The following UNC13C variants were observed in gnomAD, a reference collection of about 807,000 sequenced individuals.
The protein encoded by UNC13C is protein unc-13 homolog C.
UNC13C carries 174 observed loss-of-function variants against 245.4 expected under a neutral mutation model. That is an observed-to-expected ratio of 0.71 (90% CI 0.63 to 0.80). The LOEUF is 0.80. Ranked by LOEUF, UNC13C falls within the 30% of genes least tolerant of loss-of-function variation. UNC13C has a pLI of 0.00. For synonymous variants in UNC13C, 992 were observed against 895.1 expected, an observed-to-expected ratio of 1.11 and a Z score of -1.93; for missense variants, 2,829 against 2,602.9, an observed-to-expected ratio of 1.09 and a Z score of -1.89.
At chr15:54,062,052 G>A (rs967225538) in intron 2 of UNC13C, among the ~76,000 whole-genome samples, 6 of 152,004 alleles carry the variant, frequency 3.9e-5, no homozygotes, top group Non-Finnish European at 7.4e-5. Flanking sequence ...GGGCGTGGTG[G>A]CTCACACCTG....
chr15:54,339,852 T>C (rs1196653608), intron 17 of UNC13C, among the ~76,000 whole-genome samples: 1 of 151,444 alleles, frequency 6.6e-6, no homozygotes, highest in African/African-American at 2.4e-5. Context: ...CTTAGTTCTC[T>C]AAGAGATCTC....
the UNC13C span, among the ~76,000 whole-genome samples, chr15:53,877,986 A>G: frequency 3.4e-4 from 52 of 152,268 alleles, no homozygotes; most frequent in Middle Eastern, 3.4e-3. Context: ...TTCAATATAC[A>G]TTTTTTAGAT....
chr15:54,133,500 C>A (rs2141219068), intron 2 of UNC13C, among the ~76,000 whole-genome samples: 1 of 152,036 alleles, frequency 6.6e-6, no homozygotes, highest in South Asian at 2.1e-4. Context: ...TACTTTAATC[C>A]CATTTATAGG....
In UNC13C at chr15:54,612,843, G is replaced by T. The variant is rs1900193898; in HGVS notation, c.6107-9484G>T. Among the ~76,000 whole-genome samples, 4 of 152,032 alleles carry T rather than the reference G, an allele frequency of 2.6e-5. No homozygotes were observed. In the South Asian group the frequency reaches 8.3e-4, roughly 32 times the overall value. ...CTTTGAGATATTTATTAGGGTAATAGTTGAAACCAATCTTTTCTTGTTACT... is the reference window on the plus strand; with the variant it reads ...CTTTGAGATATTTATTAGGGTAATATTTGAAACCAATCTTTTCTTGTTACT... On this transcript the variant is annotated intron_variant, in intron 30 of 32. Coordinates refer to ENST00000260323, the MANE Select transcript of UNC13C (RefSeq NM_001080534.3).
chr15:54,140,405 A>C (rs997114170), intron 2 of UNC13C, among the ~76,000 whole-genome samples: 4 of 152,358 alleles, frequency 2.6e-5, no homozygotes, highest in African/African-American at 2.4e-5. Flanking sequence ...AGTAAAAAAA[A>C]CAGAGAGAGA....
chr15:54,246,832 C>T (rs2036005636), intron 7 of UNC13C, among the ~76,000 whole-genome samples: 1 of 152,204 alleles, frequency 6.6e-6, no homozygotes, highest in Middle Eastern at 3.4e-3. Flanking sequence ...GTGGGATGAT[C>T]TGTGCAACAA....
At chr15:54,610,805 A>G (rs953938284) in intron 30 of UNC13C, among the ~76,000 whole-genome samples, 1 of 152,220 alleles carries the variant, frequency 6.6e-6, no homozygotes, top group Non-Finnish European at 1.5e-5. Flanking sequence ...AGTATGGCCC[A>G]GAGACCATCA....
chr15:54,217,707 T>C (rs1252881056), intron 4 of UNC13C, among the ~76,000 whole-genome samples: 1 of 151,952 alleles, frequency 6.6e-6, no homozygotes, highest in Non-Finnish European at 1.5e-5. Flanking sequence ...GGCAAGTAAT[T>C]TTTTTCATTT....
At chr15:54,525,436 A>G in intron 24 of UNC13C, 113 bp from the exon 25 acceptor site, 1 of 621,770 alleles carries the variant, frequency 1.6e-6, no homozygotes, top group Non-Finnish European at 2.5e-6. Flanking sequence ...AAGAAGAGAA[A>G]AAAGCTTACA....
At chr15:53,863,234 G>A in the UNC13C span, among the ~76,000 whole-genome samples, 1 of 152,166 alleles carries the variant, frequency 6.6e-6, no homozygotes, top group Non-Finnish European at 1.5e-5. Context: ...AGATCTTAAG[G>A]CCTGAGACTA....
At chr15:53,962,549 A>G in the UNC13C span, among the ~76,000 whole-genome samples, 19 of 152,278 alleles carry the variant, frequency 1.2e-4, no homozygotes, top group South Asian at 3.7e-3. Flanking sequence ...AATCATATCA[A>G]TAGAAAAAAT....
At chr15:53,893,862 G>A in the UNC13C span, among the ~76,000 whole-genome samples, 4 of 152,182 alleles carry the variant, frequency 2.6e-5, no homozygotes, top group South Asian at 2.1e-4. Flanking sequence ...GGGAGTGAAC[G>A]GTTCCGTCTC....
intron 29 of UNC13C, among the ~76,000 whole-genome samples, chr15:54,566,900 C>T (rs1470323104): frequency 2.0e-5 from 3 of 152,084 alleles, no homozygotes; most frequent in Non-Finnish European, 2.9e-5. Flanking sequence ...CAGTGAGCCA[C>T]AGTTACTAGT....
At chr15:54,214,977 T>C (rs979557858) in intron 4 of UNC13C, among the ~76,000 whole-genome samples, 1 of 151,864 alleles carries the variant, frequency 6.6e-6, no homozygotes. Flanking sequence ...GCTATTATTA[T>C]GAGAAAGTTT....
intron 4 of UNC13C, among the ~76,000 whole-genome samples, chr15:54,197,935 C>T (rs2034407959): frequency 6.6e-6 from 1 of 152,028 alleles, no homozygotes; most frequent in African/African-American, 2.4e-5. Flanking sequence ...AGTCCTCAGC[C>T]CTGGTCACCA....
At chr15:54,235,936 G>C (rs2035685462) in intron 5 of UNC13C, among the ~76,000 whole-genome samples, 1 of 151,652 alleles carries the variant, frequency 6.6e-6, no homozygotes, top group African/African-American at 2.4e-5. Context: ...TCATGACTCT[G>C]AATAAATCTG....
At chr15:54,512,886 A>G (rs924682151) in intron 24 of UNC13C, among the ~76,000 whole-genome samples, 2 of 152,158 alleles carry the variant, frequency 1.3e-5, no homozygotes, top group East Asian at 1.9e-4. Context: ...CACTTCTCCA[A>G]TGTCTGTTTC....
At chr15:54,501,099 A>G (rs976403158) in intron 22 of UNC13C, 121 bp downstream of exon 22, 10 of 954,320 alleles carry the variant, frequency 1.0e-5, no homozygotes, top group Non-Finnish European at 4.6e-6. Flanking sequence ...ATTCTGTACT[A>G]GTAAATTCAG....
chr15:54,564,205 CAT>C (rs1391730878), intron 29 of UNC13C, among the ~76,000 whole-genome samples: 1 of 152,024 alleles, frequency 6.6e-6, no homozygotes, highest in Non-Finnish European at 1.5e-5. Flanking sequence ...CGGGACATTT[CAT>C]ATTGTAAAAT....
Sources: gnomAD v4.1 joint callset for allele counts (sites outside exome capture counted in the v4.1 genomes callset) on GRCh38, gnomAD v4.1.1 for gene constraint, MANE v1.5 for transcripts, NCBI Gene and HGNC (gene_info 2026-07-23, HGNC 2026-07-21) for gene names.